The following FRA10AC1 variants were observed in gnomAD, a reference collection of about 807,000 sequenced individuals.
The protein encoded by FRA10AC1 is protein FRA10AC1.
In FRA10AC1, 43 loss-of-function variants were observed where a neutral mutation model predicts 56.5. That is an observed-to-expected ratio of 0.76 (90% CI 0.60 to 0.98). The LOEUF (loss-of-function observed/expected upper bound fraction) is 0.98, where lower values mean the gene tolerates loss of function less well. FRA10AC1 is among the 50% of genes least tolerant of loss of function. The probability of loss-of-function intolerance (pLI) is 0.00; values close to 1 mark genes in which losing one functional copy is unlikely to be tolerated. For missense variants in FRA10AC1, 346 were observed against 351.8 expected (o/e 0.98, Z 0.13); for synonymous variants, 112 against 110.5 (o/e 1.01, Z -0.09).
At position 93,678,609 on chromosome 10, in the gene FRA10AC1, T is replaced by C. The variant is rs114977674; in HGVS notation, c.788-1918A>G. 7.1e-3 allele frequency among the ~76,000 whole-genome samples: 1,087 copies of C among 152,134 alleles called. 16 individuals carry two copies. Among genetic ancestry groups the C allele is most frequent in the African/African-American group, 0.024 (1,008 of 41,488 alleles). On this transcript the variant is annotated intron_variant, in intron 11 of 13. Transcript: ENST00000359204. ...ACTTTGGGGGGCCAAGGTGAGAGAA[T>C]TGCTTGAGGCCAGGAGTTTGAGACC... is the stretch of plus-strand genomic sequence containing the variant.
chr10:93,698,023 C>T lies in FRA10AC1; in HGVS notation c.219+113G>A, dbSNP rs541714947. On this transcript the variant is annotated intron_variant, in intron 4 of 13. Coordinates refer to ENST00000359204, the MANE Select transcript of FRA10AC1 (RefSeq NM_145246.5). ...TGGCAAAATCCTACATCACTAAATA[C>T]TTATCTTTAAAAATAAAAAAGCCTA... 3.8e-4 allele frequency: 228 copies of T among 606,960 alleles called. 2 individuals are homozygous for T. In the South Asian group the frequency reaches 6.8e-3, roughly 18 times the overall value. The allele number at this position is 606,960 out of a possible 1,614,324, so 37.6% of individuals were successfully genotyped here. A position where few individuals can be genotyped will look rare whatever the true frequency, so the allele number is the denominator to read the frequency against.
intron 10 of FRA10AC1, 132 bp from the exon 11 acceptor site, chr10:93,681,730 C>A: frequency 1.3e-6 from 1 of 753,972 alleles, no homozygotes. Context: ...TAATAAGGAA[C>A]GTTAAGTGAG....
chr10:93,692,861 T>C, intron 5 of FRA10AC1, 132 bp from the exon 6 acceptor site: 1 of 517,218 alleles, frequency 1.9e-6, no homozygotes, highest in Non-Finnish European at 3.3e-6. Context: ...GAGTATAAAT[T>C]TGTTCACATA....
intron 13 of FRA10AC1, among the ~76,000 whole-genome samples, chr10:93,670,516 T>C (rs1008410671): frequency 1.3e-5 from 2 of 152,148 alleles, no homozygotes; most frequent in East Asian, 3.9e-4. Flanking sequence ...CAGCCATCTC[T>C]GAAGAAATCC....
At chr10:93,693,910 T>G (rs1264901164) in intron 5 of FRA10AC1, among the ~76,000 whole-genome samples, 1 of 151,544 alleles carries the variant, frequency 6.6e-6, no homozygotes, top group African/African-American at 2.4e-5. Context: ...ATAATGGACT[T>G]TAGGGACTCA....
chr10:93,702,206 G>T (rs1375332695), intron 1 of FRA10AC1, among the ~76,000 whole-genome samples, 169 bp downstream of exon 1: 4 of 148,130 alleles, frequency 2.7e-5, no homozygotes, highest in Non-Finnish European at 5.9e-5. Flanking sequence ...CAAGAGCGGG[G>T]AGAAACTCAA....
In FRA10AC1 at chr10:93,685,241, C is replaced by A; in HGVS notation, c.625+5G>T. 7.6e-7 allele frequency: 1 copy of A among 1,322,184 alleles called. No individual in the cohort carries two copies. Among genetic ancestry groups the A allele is most frequent in the Non-Finnish European group, 1.1e-6 (1 of 921,818 alleles). The allele number at this position is 1,322,184 out of a possible 1,614,324, so 81.9% of individuals were successfully genotyped here. The stretch of plus-strand genomic sequence containing the variant: ...TCAATCATATACCCCCTAAAATCAA[C>A]TTACTTAATTTAACAAGTGCATTTC... On this transcript the variant is annotated splice_donor_5th_base_variant and intron_variant, in intron 9 of 13. Coordinates refer to ENST00000359204, the MANE Select transcript of FRA10AC1 (RefSeq NM_145246.5).
intron 10 of FRA10AC1, among the ~76,000 whole-genome samples, chr10:93,682,181 T>C (rs2058947095): frequency 6.6e-6 from 1 of 152,146 alleles, no homozygotes; most frequent in South Asian, 2.1e-4. Flanking sequence ...GTTTACAAGG[T>C]TGGCAAACAA....
Position 93,702,528 on chromosome 10 carries a change from GCCGCC to G in FRA10AC1, c.-159_-155del. On this transcript the variant is annotated 5_prime_UTR_variant, in exon 1 of 14. Coordinates refer to ENST00000359204, the MANE Select transcript of FRA10AC1 (RefSeq NM_145246.5). ...CAGCCTCGCCACAACCACCACCGCC[GCCGCC>G]GCCGCCGCCGCCGCCCGCAACCCGC... 1 of 182,590 alleles carries G rather than the reference GCCGCC, an allele frequency of 5.5e-6. No individual in the cohort carries two copies. The highest frequency in any genetic ancestry group is 1.0e-5 in the Non-Finnish European group (1 of 95,974). The allele number at this position is 182,590 out of a possible 1,614,324, so 11.3% of individuals were successfully genotyped here.
At chr10:93,680,181 A>G (rs576194247) in intron 11 of FRA10AC1, among the ~76,000 whole-genome samples, 2 of 152,236 alleles carry the variant, frequency 1.3e-5, no homozygotes, top group African/African-American at 4.8e-5. Context: ...ATGGTATCAC[A>G]GTTGTGATAA....
rs779490537 is a variant in FRA10AC1, at chr10:93,698,192, A to G, written c.174-11T>C. The G allele has an allele frequency of 1.3e-6, 2 of 1,569,768 alleles. No homozygotes were observed. The highest frequency in any genetic ancestry group is 3.5e-5 in the Admixed American group (2 of 57,482). ...TTTCTTGCTTCTTCCCTGTTAAAAC[A>G]AATTTTTTTAAGAAAATTCAAAATG... On this transcript the variant is annotated splice_polypyrimidine_tract_variant and intron_variant, in intron 3 of 13. Transcript: ENST00000359204.
intron 7 of FRA10AC1, among the ~76,000 whole-genome samples, chr10:93,691,623 A>C (rs758002524): frequency 3.9e-5 from 6 of 152,236 alleles, no homozygotes; most frequent in Non-Finnish European, 7.3e-5. Flanking sequence ...AATGGTAATC[A>C]ATTTTTAAAA....
intron 12 of FRA10AC1, among the ~76,000 whole-genome samples, chr10:93,676,189 AC>A (rs1296687819): frequency 6.6e-6 from 1 of 152,078 alleles, no homozygotes; most frequent in Non-Finnish European, 1.5e-5. Flanking sequence ...GACTTTTTTA[AC>A]CTTAAAAAAA....
chr10:93,702,522 A>ACCACCG lies in FRA10AC1; in HGVS notation c.-149_-148insCGGTGG, dbSNP rs60832838. ...GCCGCACAGCCTCGCCACAACCACC[A>ACCACCG]CCGCCGCCGCCGCCGCCGCCGCCGC... On this transcript the variant is annotated 5_prime_UTR_variant, in exon 1 of 14. Transcript: ENST00000359204. The ACCACCG allele has an allele frequency of 2.2e-3, 478 of 216,034 alleles. 14 individuals carry two copies. Among genetic ancestry groups the ACCACCG allele is most frequent in the Middle Eastern group, 3.9e-3 (2 of 512 alleles). The allele number at this position is 216,034 out of a possible 1,614,324, so 13.4% of individuals were successfully genotyped here. A position where few individuals can be genotyped will look rare whatever the true frequency, so the allele number is the denominator to read the frequency against.
chr10:93,674,466 A>C (rs973425039), intron 12 of FRA10AC1: 1 of 152,234 alleles, frequency 6.6e-6, no homozygotes, highest in African/African-American at 2.4e-5. Flanking sequence ...TTGGCATACC[A>C]TAACAATGTA....
intron 11 of FRA10AC1, among the ~76,000 whole-genome samples, chr10:93,678,120 T>A (rs2058875018): frequency 6.6e-6 from 1 of 152,176 alleles, no homozygotes; most frequent in Admixed American, 6.5e-5. Flanking sequence ...AGGAACATAA[T>A]CTTATTTGGA....
At chr10:93,697,916 G>T (rs1465220254) in intron 4 of FRA10AC1, among the ~76,000 whole-genome samples, 1 of 152,066 alleles carries the variant, frequency 6.6e-6, no homozygotes, top group Non-Finnish European at 1.5e-5. Flanking sequence ...TATTTATAGA[G>T]TACTAGTAAT....
At chr10:93,695,584 C>T (rs2059218289) in intron 4 of FRA10AC1, among the ~76,000 whole-genome samples, 1 of 152,108 alleles carries the variant, frequency 6.6e-6, no homozygotes, top group Non-Finnish European at 1.5e-5. Flanking sequence ...TAGAGCCAAA[C>T]ATGCACATAA....
At chr10:93,695,133 T>A (rs1297181376) in intron 4 of FRA10AC1, among the ~76,000 whole-genome samples, 196 bp from the exon 5 acceptor site, 1 of 152,152 alleles carries the variant, frequency 6.6e-6, no homozygotes, top group East Asian at 1.9e-4. Context: ...GATTGTAAAG[T>A]ACAGGCTTTC....
Sources: allele counts gnomAD v4.1 joint callset (sites outside exome capture counted in the v4.1 genomes callset), GRCh38; gene constraint gnomAD v4.1.1; transcripts MANE v1.5; gene names NCBI Gene and HGNC (gene_info 2026-07-23, HGNC 2026-07-21).